Variants in ARIH2 observed in about 807,000 individuals in gnomAD.
The protein encoded by ARIH2 is ariadne RBR E3 ubiquitin protein ligase 2.
Under a neutral mutation model 79.8 loss-of-function variants are expected in ARIH2, and 12 were observed. That is an observed-to-expected ratio of 0.15 (90% CI 0.10 to 0.24). The LOEUF (loss-of-function observed/expected upper bound fraction) is 0.24, where lower values mean the gene tolerates loss of function less well. ARIH2 is among the 10% of genes least tolerant of loss of function. The pLI is 1.00. For synonymous variants in ARIH2, 224 were observed against 213.9 expected (o/e 1.05, Z -0.41); for missense variants, 301 against 618.3 (o/e 0.49, Z 5.44).
chr3:48,950,763 A>G (rs79875185), intron 3 of ARIH2, among the ~76,000 whole-genome samples: 5,512 of 152,260 alleles, frequency 0.036, 115 homozygotes, highest in African/African-American at 0.044. Context: ...TAGATTATCA[A>G]TGCTTTTTTA....
At chr3:48,958,701 T>A (rs2090895466) in intron 3 of ARIH2, among the ~76,000 whole-genome samples, 1 of 146,774 alleles carries the variant, frequency 6.8e-6, no homozygotes. Flanking sequence ...AGAAGGAGAC[T>A]CCATCTCAAA....
rs559874283 is a variant in ARIH2 at position 48,956,418 on chromosome 3, C to T, written c.256-5194C>T. On this transcript the variant is annotated intron_variant, in intron 3 of 15. Transcript: ENST00000356401. ...CCTCCCAAAGTGCTGGGGTTACAGA[C>T]GTGAGCCACTGCGCCCGGCACTTTT... Among the ~76,000 whole-genome samples, 671 of 137,456 alleles carry T rather than the reference C, an allele frequency of 4.9e-3. 3 individuals carry two copies. The highest frequency in any genetic ancestry group is 9.9e-3 in the Admixed American group (125 of 12,582). The allele number at this position is 137,456 out of a possible 152,430, so 90.2% of individuals were successfully genotyped here.
chr3:48,960,467 A>C (rs1041080148), intron 3 of ARIH2, among the ~76,000 whole-genome samples: 12 of 151,908 alleles, frequency 7.9e-5, no homozygotes, highest in African/African-American at 2.7e-4. Context: ...AAAAAAAAAA[A>C]AAACAAAAAA....
chr3:48,963,112 G>A (rs1476636665), intron 4 of ARIH2, among the ~76,000 whole-genome samples: 1 of 152,186 alleles, frequency 6.6e-6, no homozygotes. Context: ...CAACTGGGAA[G>A]GACATACCAG....
intron 3 of ARIH2, among the ~76,000 whole-genome samples, chr3:48,958,276 A>G (rs998254936): frequency 5.9e-5 from 9 of 152,140 alleles, no homozygotes; most frequent in Admixed American, 4.6e-4. Context: ...AGATATGATC[A>G]TGCCACTGCA....
chr3:48,945,854 C>T (rs1030958348), intron 3 of ARIH2, among the ~76,000 whole-genome samples: 1 of 152,030 alleles, frequency 6.6e-6, no homozygotes, highest in Non-Finnish European at 1.5e-5. Flanking sequence ...CAGCAAGTCA[C>T]AGAATTGCTA....
intron 3 of ARIH2, among the ~76,000 whole-genome samples, chr3:48,956,785 G>A (rs1269360247): frequency 2.0e-5 from 3 of 151,630 alleles, no homozygotes; most frequent in African/African-American, 7.3e-5. Flanking sequence ...TGCAACCTCT[G>A]CCTCCCGGGT....
At chr3:48,954,095 A>T (rs1466502426) in intron 3 of ARIH2, among the ~76,000 whole-genome samples, 1 of 151,942 alleles carries the variant, frequency 6.6e-6, no homozygotes, top group African/African-American at 2.4e-5. Context: ...TGGGAGGCGG[A>T]GGTTGCAGTG....
intron 3 of ARIH2, among the ~76,000 whole-genome samples, chr3:48,938,980 A>AT (rs1339359403): frequency 6.7e-6 from 1 of 150,004 alleles, no homozygotes; most frequent in African/African-American, 2.4e-5. Flanking sequence ...TATTTATTTA[A>AT]TTTTTTGAGA....
rs112979690 is a variant in ARIH2 at position 48,964,956 on chromosome 3, C to G, written c.361C>G (p.Arg121Gly). 50 of 1,613,438 alleles carry G rather than the reference C, an allele frequency of 3.1e-5. No individual in the cohort carries two copies. The highest frequency in any genetic ancestry group is 4.1e-5 in the Non-Finnish European group (48 of 1,179,712). ...SNSAQLLVEA[R>G]VQPNPSKHVP... is the part of the protein sequence containing the mutation. The stretch of plus-strand genomic sequence containing the variant: ...TTCTGCTCAACTGCTTGTTGAGGCT[C>G]GAGTTCAGCCTAATCCATCAAAACA... Residue 121 changes from arginine (R) to glycine (G), a missense_variant, in exon 5 of 16, where the codon CGA (arginine) becomes GGA (glycine). Physicochemically the swap from Arg to Gly is moderately radical, Grantham distance 125. Coordinates refer to ENST00000356401, the MANE Select transcript of ARIH2 (RefSeq NM_006321.4).
In ARIH2 at chr3:48,986,210, A is replaced by G. The variant is rs1173717322; in HGVS notation, c.*2940A>G. 3 of 152,324 alleles carry G rather than the reference A, an allele frequency of 2.0e-5. No homozygotes were observed. Among genetic ancestry groups the G allele is most frequent in the African/African-American group, 7.2e-5 (3 of 41,572 alleles). The allele number at this position is 152,324 out of a possible 1,614,324, so 9.4% of individuals were successfully genotyped here. A position where few individuals can be genotyped will look rare whatever the true frequency, so the allele number is the denominator to read the frequency against. On this transcript the variant is annotated 3_prime_UTR_variant, in exon 16 of 16. Coordinates refer to ENST00000356401, the MANE Select transcript of ARIH2 (RefSeq NM_006321.4). ...CTCCGCAGCTCTTCCTCTGGACCTC[A>G]GGTGTGCCAAGCCCCACGCTTGGCA...
At chr3:48,935,938 T>A (rs2087046957) in intron 3 of ARIH2, among the ~76,000 whole-genome samples, 1 of 152,174 alleles carries the variant, frequency 6.6e-6, no homozygotes, top group Non-Finnish European at 1.5e-5. Flanking sequence ...TTTGGATTAT[T>A]TTACCTTCCC....
chr3:48,967,193 C>G lies in ARIH2; in HGVS notation c.456C>G (p.Leu152=). 1.2e-6 allele frequency: 2 copies of G among 1,614,224 alleles called. No individual in the cohort carries two copies. The highest frequency in any genetic ancestry group is 1.7e-6 in the Non-Finnish European group (2 of 1,180,044). Residue 152 remains leucine (L), a synonymous_variant, in exon 6 of 16, where the codon CTC becomes CTG. Transcript: ENST00000356401. ...AGTTTGTGCGAAAGGAAAACCTACT[C>G]TCTCTGGCCTGTCAGCACCAGTTTT... ...CMQFVRKENL[L]SLACQHQFCR... is the part of the protein sequence containing the mutation.
In ARIH2 at chr3:48,974,802, C is replaced by G; in HGVS notation, c.889-15C>G. The G allele has an allele frequency of 6.2e-7, 1 of 1,612,628 alleles. No homozygotes were observed. The highest frequency in any genetic ancestry group is 8.5e-7 in the Non-Finnish European group (1 of 1,179,986). On this transcript the variant is annotated splice_polypyrimidine_tract_variant and intron_variant, in intron 9 of 15. Coordinates refer to ENST00000356401, the MANE Select transcript of ARIH2 (RefSeq NM_006321.4). ...GGTGGTGTGTGAGCCTAATGGCACCCTTCTGTCTCCTCAGTGTCCCAAGTG... is the reference window on the plus strand; with the variant it reads ...GGTGGTGTGTGAGCCTAATGGCACCGTTCTGTCTCCTCAGTGTCCCAAGTG...
intron 3 of ARIH2, among the ~76,000 whole-genome samples, chr3:48,946,674 G>C (rs1473128398): frequency 6.6e-6 from 1 of 151,976 alleles, no homozygotes; most frequent in African/African-American, 2.4e-5. Flanking sequence ...CAATGTGTAG[G>C]GTAAATGAGA....
intron 2 of ARIH2, among the ~76,000 whole-genome samples, chr3:48,924,387 A>G (rs1049670072): frequency 6.6e-6 from 1 of 151,858 alleles, no homozygotes; most frequent in African/African-American, 2.4e-5. Context: ...TTGGAGACAG[A>G]ATCTCTCTGT....
chr3:48,938,803 C>G (rs1022239638), intron 3 of ARIH2, among the ~76,000 whole-genome samples: 1 of 150,224 alleles, frequency 6.7e-6, no homozygotes, highest in Non-Finnish European at 1.5e-5. Context: ...AGACCGTGGA[C>G]TCTGATCTGA....
chr3:48,931,474 C>T (rs958105902), intron 3 of ARIH2, among the ~76,000 whole-genome samples: 8 of 150,614 alleles, frequency 5.3e-5, no homozygotes, highest in South Asian at 2.1e-4. Context: ...GGTGTGAACC[C>T]GCGGGCAGAG....
chr3:48,927,704 AG>A lies in ARIH2; in HGVS notation c.151del (p.Ala51LeufsTer14). The A allele has an allele frequency of 6.2e-7, 1 of 1,614,196 alleles. No homozygotes were observed. On this transcript the variant is annotated frameshift_variant, in exon 3 of 16. Coordinates refer to ENST00000356401, the MANE Select transcript of ARIH2 (RefSeq NM_006321.4). LOFTEE classifies it high-confidence loss of function. ...YVGVASDVEQ[Q>X]GADAFDPEEY... ...GGAGTAGCCAGCGATGTGGAGCAGC[AG>A]GGGGCTGATGCCTTTGATCCCGAGG...
Sources: gnomAD v4.1 joint callset for allele counts (sites outside exome capture counted in the v4.1 genomes callset) on GRCh38, gnomAD v4.1.1 for gene constraint, MANE v1.5 for transcripts, NCBI Gene and HGNC (gene_info 2026-07-23, HGNC 2026-07-21) for gene names.